ZFAND3: variants seen among roughly 807,000 people sequenced by gnomAD.
ZFAND3 encodes zinc finger AN1-type containing 3, also known as AN1-type zinc finger protein 3.
A neutral mutation model predicts 29.6 loss-of-function variants in ZFAND3; 10 were observed. That is an observed-to-expected ratio of 0.34 (90% CI 0.21 to 0.57). The LOEUF (loss-of-function observed/expected upper bound fraction) is 0.57. Ranked by LOEUF, ZFAND3 falls within the 20% of genes least tolerant of loss-of-function variation. The pLI, the probability that ZFAND3 is intolerant of heterozygous loss-of-function variation, is 0.86. For synonymous variants in ZFAND3, 128 were observed against 112.6 expected, an observed-to-expected ratio of 1.14 and a Z score of -0.87; for missense variants, 230 against 304.5, an observed-to-expected ratio of 0.76 and a Z score of 1.82.
chr6:38,094,349 G>C (rs1320815872), intron 4 of ZFAND3, among the ~76,000 whole-genome samples: 1 of 151,836 alleles, frequency 6.6e-6, no homozygotes, highest in African/African-American at 2.4e-5. Flanking sequence ...AAGCAAAGGG[G>C]AACAAGTGGT....
intron 1 of ZFAND3, among the ~76,000 whole-genome samples, chr6:37,926,826 T>C (rs1234393977): frequency 1.3e-5 from 2 of 152,132 alleles, no homozygotes; most frequent in African/African-American, 2.4e-5. Context: ...TACACTGCTT[T>C]TTGTTAGGTA....
chr6:38,060,990 C>T (rs1234024267), intron 2 of ZFAND3, among the ~76,000 whole-genome samples: 7 of 151,962 alleles, frequency 4.6e-5, no homozygotes, highest in Non-Finnish European at 1.0e-4. Flanking sequence ...GCAAGTGGAC[C>T]CACACGGTTC....
intron 1 of ZFAND3, among the ~76,000 whole-genome samples, chr6:37,857,699 A>G (rs920216750): frequency 1.3e-5 from 2 of 152,202 alleles, no homozygotes; most frequent in Admixed American, 6.5e-5. Context: ...TTTTACAGTA[A>G]GAGAAAATTG....
At chr6:37,937,943 A>C (rs997186019) in intron 2 of ZFAND3, among the ~76,000 whole-genome samples, 1 of 152,206 alleles carries the variant, frequency 6.6e-6, no homozygotes, top group Non-Finnish European at 1.5e-5. Flanking sequence ...CAGAATATCC[A>C]CAAACCCACC....
chr6:37,961,531 T>C (rs1762195584), intron 2 of ZFAND3, among the ~76,000 whole-genome samples: 1 of 152,202 alleles, frequency 6.6e-6, no homozygotes, highest in African/African-American at 2.4e-5. Context: ...AGGGTGTGGT[T>C]ACAGTGGGCC....
At chr6:37,820,589 T>C (rs910837464) in intron 1 of ZFAND3, among the ~76,000 whole-genome samples, 11 of 152,220 alleles carry the variant, frequency 7.2e-5, no homozygotes, top group Admixed American at 7.2e-4. Context: ...GGTAAAGTTA[T>C]AAGATTGTTG....
chr6:37,846,743 G>A (rs566216808), intron 1 of ZFAND3, among the ~76,000 whole-genome samples: 45 of 146,276 alleles, frequency 3.1e-4, no homozygotes, highest in Non-Finnish European at 4.9e-4. Context: ...ATGGAGTCTC[G>A]CTCTGTCGCC....
chr6:37,864,053 A>C (rs1764541306), intron 1 of ZFAND3, among the ~76,000 whole-genome samples: 1 of 152,212 alleles, frequency 6.6e-6, no homozygotes, highest in Non-Finnish European at 1.5e-5. Context: ...TTTGCAACTC[A>C]AAATTTGTGT....
chr6:37,932,149 A>G (rs972760827), intron 2 of ZFAND3, among the ~76,000 whole-genome samples: 1 of 151,900 alleles, frequency 6.6e-6, no homozygotes. Context: ...CGTGCCTGTA[A>G]TCCCAGCTAC....
intron 2 of ZFAND3, among the ~76,000 whole-genome samples, chr6:37,948,763 TG>T (rs1761944683): frequency 6.6e-6 from 1 of 152,252 alleles, no homozygotes; most frequent in South Asian, 2.1e-4. Flanking sequence ...GCTCCATCCA[TG>T]TTCCTGCAGA....
chr6:37,943,410 G>T (rs1456411534), intron 2 of ZFAND3, among the ~76,000 whole-genome samples: 4 of 152,116 alleles, frequency 2.6e-5, no homozygotes, highest in African/African-American at 9.7e-5. Context: ...ATTGAATTTT[G>T]TTTAAAAATG....
chr6:37,877,461 G>A (rs1561919752), intron 1 of ZFAND3, among the ~76,000 whole-genome samples: 1 of 152,168 alleles, frequency 6.6e-6, no homozygotes, highest in Admixed American at 6.5e-5. Flanking sequence ...GATTACAGTA[G>A]TAATAGAGGA....
At chr6:38,063,774 TG>T (rs1369618868) in intron 3 of ZFAND3, among the ~76,000 whole-genome samples, 1 of 152,226 alleles carries the variant, frequency 6.6e-6, no homozygotes, top group Non-Finnish European at 1.5e-5. Context: ...TATTTGGACT[TG>T]AGACAGTAGC....
chr6:37,983,735 C>T (rs1265875181), intron 2 of ZFAND3, among the ~76,000 whole-genome samples: 2 of 149,352 alleles, frequency 1.3e-5, no homozygotes, highest in Non-Finnish European at 3.0e-5. Flanking sequence ...TTCACAAATA[C>T]CTTTGTTTTA....
intron 5 of ZFAND3, among the ~76,000 whole-genome samples, chr6:38,137,577 C>T (rs2127493829): frequency 1.3e-5 from 2 of 152,038 alleles, no homozygotes; most frequent in East Asian, 3.8e-4. Context: ...TGCTTTTATT[C>T]TTTAGGGGAG....
At chr6:37,971,024 A>G (rs555769422) in intron 2 of ZFAND3, among the ~76,000 whole-genome samples, 5 of 152,206 alleles carry the variant, frequency 3.3e-5, no homozygotes, top group African/African-American at 1.2e-4. Flanking sequence ...GAAAATTTAG[A>G]TTGATGATGT....
At chr6:37,899,695 T>C (rs1346719655) in intron 1 of ZFAND3, among the ~76,000 whole-genome samples, 1 of 152,248 alleles carries the variant, frequency 6.6e-6, no homozygotes, top group Non-Finnish European at 1.5e-5. Context: ...TCAAATAAAA[T>C]TTCTTTACAA....
chr6:38,119,791 C>G (rs1214957071), intron 5 of ZFAND3, among the ~76,000 whole-genome samples: 5 of 152,220 alleles, frequency 3.3e-5, no homozygotes, highest in Non-Finnish European at 5.9e-5. Flanking sequence ...CAGACACATT[C>G]AGCTTCCCTT....
chr6:37,992,508 CTCT>C (rs1459775021), intron 2 of ZFAND3, among the ~76,000 whole-genome samples: 1 of 152,122 alleles, frequency 6.6e-6, no homozygotes, highest in Non-Finnish European at 1.5e-5. Flanking sequence ...TGCTTTCCCT[CTCT>C]TCTTCTCCCT....
Sources: gnomAD v4.1 joint callset for allele counts (sites outside exome capture counted in the v4.1 genomes callset) on GRCh38, gnomAD v4.1.1 for gene constraint, MANE v1.5 for transcripts, NCBI Gene and HGNC (gene_info 2026-07-23, HGNC 2026-07-21) for gene names.